NTN4: variants seen among roughly 807,000 people sequenced by gnomAD.
NTN4 encodes the protein netrin-4.
NTN4 carries 32 observed loss-of-function variants against 73.6 expected under a neutral mutation model. The observed-to-expected ratio is 0.44, with a 90% CI of 0.33 to 0.58. The LOEUF (loss-of-function observed/expected upper bound fraction) is 0.58, where lower values mean the gene tolerates loss of function less well. NTN4 is among the 20% of genes least tolerant of loss of function. The probability of loss-of-function intolerance (pLI) is 0.04; values close to 1 mark genes in which losing one functional copy is unlikely to be tolerated. For synonymous variants in NTN4, 258 were observed against 287.5 expected (o/e 0.90, Z 1.04); for missense variants, 654 against 798.3 (o/e 0.82, Z 2.18).
chr12:95,700,027 A>G (rs1243285077), intron 5 of NTN4, among the ~76,000 whole-genome samples: 2 of 141,348 alleles, frequency 1.4e-5, no homozygotes, highest in Non-Finnish European at 3.1e-5. Context: ...ATTCTGTTCT[A>G]CAGGCATTTC....
Position 95,737,905 on chromosome 12 carries a change from A to G in NTN4, c.825T>C (p.His275=). ...NGHADQCIPV[H]GFRPVKAPGT... ...CTGGGGCCTTGACAGGTCTGAAGCC[A>G]TGAACAGGTATGCATTGATCAGCGT... The change falls in exon 3 of 10, where the codon CAT becomes CAC. Residue 275 remains histidine (H), a synonymous_variant. Transcript: ENST00000343702. 6.2e-7 allele frequency: 1 copy of G among 1,614,110 alleles called. No individual in the cohort carries two copies. The highest frequency in any genetic ancestry group is 8.5e-7 in the Non-Finnish European group (1 of 1,179,950).
At chr12:95,671,004 T>G (rs1422189006) in intron 7 of NTN4, 1 of 149,614 alleles carries the variant, frequency 6.7e-6, no homozygotes, top group East Asian at 2.0e-4. Flanking sequence ...ATTTATTTAT[T>G]TATTTATCTA....
rs1460848065 is a variant in NTN4 at position 95,770,988 on chromosome 12, A to ATTTTTTTTTTT, written c.585+15950_585+15951insAAAAAAAAAAA. On this transcript the variant is annotated intron_variant, in intron 2 of 9. Transcript: ENST00000343702. The stretch of plus-strand genomic sequence containing the variant: ...GCAAGATGAACCATCCAGGAAAAGA[A>ATTTTTTTTTTT]TTTGTTTTTTTTTTTTTTTGAGACA... Among the ~76,000 whole-genome samples the ATTTTTTTTTTT allele has an allele frequency of 6.5e-4, 38 of 58,084 alleles. 3 individuals are homozygous for ATTTTTTTTTTT. Among genetic ancestry groups the ATTTTTTTTTTT allele is most frequent in the African/African-American group, 1.6e-3 (37 of 22,880 alleles). 38.1% of individuals were successfully genotyped at this position (58,084 alleles called of 152,430 possible). A position where few individuals can be genotyped will look rare whatever the true frequency, so the allele number is the denominator to read the frequency against.
chr12:95,790,921 T>C (rs112783234), upstream of NTN4, among the ~76,000 whole-genome samples: 1 of 88,920 alleles, frequency 1.1e-5, no homozygotes, highest in African/African-American at 4.3e-5. This position sits in a 1 kb window ranked among gnomAD's most constrained non-coding sequence, Gnocchi z 6.5. Context: ...CCGCTGCCGC[T>C]GCCGCCCGGG....
chr12:95,677,911 CA>C (rs2078285388), intron 7 of NTN4, among the ~76,000 whole-genome samples: 1 of 152,202 alleles, frequency 6.6e-6, no homozygotes, highest in East Asian at 1.9e-4. Flanking sequence ...GCACTATTTA[CA>C]ATAGCAAAGA....
intron 5 of NTN4, among the ~76,000 whole-genome samples, chr12:95,687,946 T>TG (rs1323245849): frequency 6.6e-6 from 1 of 151,944 alleles, no homozygotes; most frequent in Non-Finnish European, 1.5e-5. Flanking sequence ...TGTGCCTGAG[T>TG]GTACACTGAG....
intron 2 of NTN4, among the ~76,000 whole-genome samples, chr12:95,756,085 C>A (rs2078945329): frequency 6.6e-6 from 1 of 152,122 alleles, no homozygotes; most frequent in Non-Finnish European, 1.5e-5. Context: ...AGGTTGGTGA[C>A]AGAGTTAAGA....
chr12:95,666,013 T>G (rs1292834083), intron 8 of NTN4, 33 bp from the exon 9 acceptor site: 1 of 1,474,196 alleles, frequency 6.8e-7, no homozygotes, highest in Admixed American at 1.9e-5. Context: ...GCATAGAATT[T>G]CATATTATCA....
intron 2 of NTN4, among the ~76,000 whole-genome samples, chr12:95,749,185 C>G (rs1201281035): frequency 2.0e-5 from 3 of 152,160 alleles, no homozygotes; most frequent in Non-Finnish European, 4.4e-5. Context: ...TTCGCTGACT[C>G]TCTTTTTGGA....
At chr12:95,726,813 T>C (rs1404010889) in intron 3 of NTN4, among the ~76,000 whole-genome samples, 1 of 151,956 alleles carries the variant, frequency 6.6e-6, no homozygotes, top group Non-Finnish European at 1.5e-5. Flanking sequence ...CTACTAAAAA[T>C]ACAAAAATTA....
chr12:95,691,482 G>A (rs1244705796), intron 5 of NTN4, among the ~76,000 whole-genome samples: 3 of 152,092 alleles, frequency 2.0e-5, no homozygotes, highest in Admixed American at 6.6e-5. Flanking sequence ...TACAACCTCC[G>A]CCTCCCAGGT....
At chr12:95,702,610 C>T (rs1191113759) in intron 5 of NTN4, among the ~76,000 whole-genome samples, 3 of 152,114 alleles carry the variant, frequency 2.0e-5, no homozygotes, top group Non-Finnish European at 4.4e-5. Context: ...TATACGTCAG[C>T]AATTACTATG....
At chr12:95,755,628 C>A (rs1004519901) in intron 2 of NTN4, among the ~76,000 whole-genome samples, 2 of 152,168 alleles carry the variant, frequency 1.3e-5, no homozygotes, top group Non-Finnish European at 2.9e-5. Context: ...GTCTTATCTT[C>A]TGAGATAGGA....
intron 5 of NTN4, among the ~76,000 whole-genome samples, chr12:95,696,290 G>A (rs896159161): frequency 2.0e-5 from 3 of 151,810 alleles, no homozygotes; most frequent in South Asian, 2.1e-4. Flanking sequence ...CTATTTCCAC[G>A]GGGATAGAGA....
chr12:95,712,074 TCA>T (rs1032410018), intron 4 of NTN4, among the ~76,000 whole-genome samples: 1 of 152,240 alleles, frequency 6.6e-6, no homozygotes, highest in African/African-American at 2.4e-5. Context: ...AAGAGACTTC[TCA>T]CAGTTTTACC....
At chr12:95,732,862 G>C (rs900933076) in intron 3 of NTN4, among the ~76,000 whole-genome samples, 1 of 152,208 alleles carries the variant, frequency 6.6e-6, no homozygotes, top group African/African-American at 2.4e-5. Flanking sequence ...AATGTATCCG[G>C]ATTCCTTGGG....
chr12:95,757,944 A>G (rs2121236694), intron 2 of NTN4, among the ~76,000 whole-genome samples: 1 of 152,348 alleles, frequency 6.6e-6, no homozygotes, highest in South Asian at 2.1e-4. Flanking sequence ...AAATGGAAGC[A>G]AGAAAGAACT....
intron 3 of NTN4, among the ~76,000 whole-genome samples, chr12:95,729,396 AT>A (rs1407746849): frequency 1.3e-5 from 2 of 152,236 alleles, no homozygotes; most frequent in Non-Finnish European, 2.9e-5. Context: ...TTACAAAAAA[AT>A]CTTTTATGAG....
At chr12:95,696,827 T>A (rs1175720466) in intron 5 of NTN4, among the ~76,000 whole-genome samples, 1 of 152,094 alleles carries the variant, frequency 6.6e-6, no homozygotes, top group Admixed American at 6.6e-5. Flanking sequence ...CAAGACTATA[T>A]CCTATATTTA....
Sources: allele counts gnomAD v4.1 joint callset (sites outside exome capture counted in the v4.1 genomes callset), GRCh38; gene constraint gnomAD v4.1.1; non-coding constraint Gnocchi (gnomAD v3.1); transcripts MANE v1.5; gene names NCBI Gene and HGNC (gene_info 2026-07-23, HGNC 2026-07-21).